SLC6A19: variants seen among roughly 807,000 people sequenced by gnomAD.
The protein encoded by SLC6A19 is solute carrier family 6 member 19, also known as sodium-dependent neutral amino acid transporter B(0)AT1.
Under a neutral mutation model 68.3 loss-of-function variants are expected in SLC6A19, and 67 were observed. The ratio of observed to expected loss-of-function variants is 0.98; its 90% CI spans 0.81 to 1.20. SLC6A19 has a LOEUF of 1.20. Among genes scored for constraint, SLC6A19 ranks in the 50% most tolerant of loss-of-function variants. The pLI, the probability that SLC6A19 is intolerant of heterozygous loss-of-function variation, is 0.00. For missense variants in SLC6A19, 813 were observed against 851.6 expected, an observed-to-expected ratio of 0.95 and a Z score of 0.56; for synonymous variants, 392 against 374.9, an observed-to-expected ratio of 1.05 and a Z score of -0.53.
At chr5:1,210,632 C>G (rs376606313) in intron 3 of SLC6A19, 51 bp downstream of exon 3, 90 of 1,606,882 alleles carry the variant, frequency 5.6e-5, no homozygotes, top group Non-Finnish European at 6.9e-5. Context: ...GCTGTTGTGT[C>G]TCTCATAGCA....
In SLC6A19 at chr5:1,218,891, T is replaced by A. The variant is rs773706547; in HGVS notation, c.1174-12T>A. ...GGGCAGAGGCCCTGGTGACTGTGTGTCATCCGTGCAGGCCGTGGAGGGCAC... is the reference window on the plus strand; with the variant it reads ...GGGCAGAGGCCCTGGTGACTGTGTGACATCCGTGCAGGCCGTGGAGGGCAC... On this transcript the variant is annotated splice_polypyrimidine_tract_variant and intron_variant, in intron 8 of 11. Transcript: ENST00000304460. 4.3e-6 allele frequency: 7 copies of A among 1,611,382 alleles called. No individual in the cohort carries two copies. The South Asian group carries it at 7.7e-5, about 18-fold the overall frequency.
rs1341307320 is a variant in SLC6A19 at position 1,213,421 on chromosome 5, C to T, written c.664-42C>T. ...GTGCCGCCCCCACCGCATGCCTGGC[C>T]CCCCAACTTCCCGCCCATCCCACAT... On this transcript the variant is annotated intron_variant, in intron 4 of 11. Coordinates refer to ENST00000304460, the MANE Select transcript of SLC6A19 (RefSeq NM_001003841.3). 8 of 1,278,340 alleles carry T rather than the reference C, an allele frequency of 6.3e-6. No homozygotes were observed. In the African/African-American group the frequency reaches 9.0e-5, roughly 14 times the overall value. The allele number at this position is 1,278,340 out of a possible 1,614,324, so 79.2% of individuals were successfully genotyped here.
At chr5:1,202,946 AC>A in intron 1 of SLC6A19, among the ~76,000 whole-genome samples, 1 of 151,802 alleles carries the variant, frequency 6.6e-6, no homozygotes, top group South Asian at 2.1e-4. Context: ...AGGTCGGGGG[AC>A]CTTGGCCACT....
intron 5 of SLC6A19, 45 bp downstream of exon 5, chr5:1,213,618 T>G (rs1746117334): frequency 1.3e-6 from 2 of 1,551,756 alleles, no homozygotes; most frequent in Non-Finnish European, 1.8e-6. Context: ...GGGAGAGGCC[T>G]GGCTGCCCTG....
At chr5:1,219,296 C>T (rs544512147) in intron 9 of SLC6A19, among the ~76,000 whole-genome samples, 189 bp downstream of exon 9, 1 of 148,580 alleles carries the variant, frequency 6.7e-6, no homozygotes, top group African/African-American at 2.5e-5. Flanking sequence ...GTGTGCAGCC[C>T]CCGGGCGTGT....
Position 1,212,562 on chromosome 5 carries a change from C to T in SLC6A19, c.663+78C>T, listed in dbSNP as rs1561165176. The T allele has an allele frequency of 6.4e-7, 1 of 1,572,172 alleles. No homozygotes were observed. The highest frequency in any genetic ancestry group is 1.3e-5 in the African/African-American group (1 of 74,262). On this transcript the variant is annotated intron_variant, in intron 4 of 11. Coordinates refer to ENST00000304460, the MANE Select transcript of SLC6A19 (RefSeq NM_001003841.3). The surrounding 1 kb of genome is among the most constrained non-coding windows in gnomAD (Gnocchi z 5.1). ...AGCCCTGCCTCCGGCCGGCTGCACT[C>T]TAAAACCCAGGTCTGGGGGTCCCGG...
chr5:1,215,542 C>T lies in SLC6A19; in HGVS notation c.888-1016C>T, dbSNP rs756447545. Among the ~76,000 whole-genome samples, 128 of 152,372 alleles carry T rather than the reference C, an allele frequency of 8.4e-4. No homozygotes were observed. The highest frequency in any genetic ancestry group is 3.4e-3 in the Middle Eastern group (1 of 294). On this transcript the variant is annotated intron_variant, in intron 6 of 11. Coordinates refer to ENST00000304460, the MANE Select transcript of SLC6A19 (RefSeq NM_001003841.3). The surrounding 1 kb of genome is among the most constrained non-coding windows in gnomAD (Gnocchi z 5.1). Reference sequence around the variant, plus strand: ...TGTCTGATCCTTGCATGGGGCACAACATCCTCAAGGCTCATCCCATCACAG... The same window carrying T: ...TGTCTGATCCTTGCATGGGGCACAATATCCTCAAGGCTCATCCCATCACAG...
Position 1,203,429 on chromosome 5 carries a change from G to T in SLC6A19, c.202+1577G>T, listed in dbSNP as rs887235650. Among the ~76,000 whole-genome samples, 6 of 152,298 alleles carry T rather than the reference G, an allele frequency of 3.9e-5. No individual in the cohort carries two copies. In the South Asian group the frequency reaches 1.2e-3, roughly 32 times the overall value. ...AGGTGCGGGCAGCGGGCAGCGGGCA[G>T]CGGGTTCCGGGCAGGCAGGCCCAGG... is the stretch of plus-strand genomic sequence containing the variant. On this transcript the variant is annotated intron_variant, in intron 1 of 11. Coordinates refer to ENST00000304460, the MANE Select transcript of SLC6A19 (RefSeq NM_001003841.3).
chr5:1,216,405 G>A (rs1746207205), intron 6 of SLC6A19, among the ~76,000 whole-genome samples, 153 bp from the exon 7 acceptor site: 1 of 152,116 alleles, frequency 6.6e-6, no homozygotes, highest in African/African-American at 2.4e-5. Flanking sequence ...GCTCGGAGTG[G>A]GGCAGGGGCT....
intron 1 of SLC6A19, among the ~76,000 whole-genome samples, chr5:1,202,692 G>C (rs896653452): frequency 6.6e-6 from 1 of 152,162 alleles, no homozygotes; most frequent in South Asian, 2.1e-4. Context: ...CAGTTCACGG[G>C]GGGGCCGTGA....
rs1017212860 is a variant in SLC6A19 at position 1,222,402 on chromosome 5, T to A, written c.*498T>A. ...GTCCACATGCACGTGTATATGTATA[T>A]CTGTGAGTGTATATACATGCATGCA... On this transcript the variant is annotated 3_prime_UTR_variant, in exon 12 of 12. Transcript: ENST00000304460. 1.1e-5 allele frequency: 5 copies of A among 457,586 alleles called. No homozygotes were observed. The highest frequency in any genetic ancestry group is 1.5e-5 in the Non-Finnish European group (4 of 262,036). The allele number at this position is 457,586 out of a possible 1,614,324, so 28.3% of individuals were successfully genotyped here. A position where few individuals can be genotyped will look rare whatever the true frequency, so the allele number is the denominator to read the frequency against.
intron 8 of SLC6A19, among the ~76,000 whole-genome samples, chr5:1,218,551 C>T (rs1265839157): frequency 2.0e-5 from 3 of 152,308 alleles, no homozygotes; most frequent in South Asian, 2.1e-4. Flanking sequence ...CCAGGGTATG[C>T]GTTTATTAAC....
intron 9 of SLC6A19, among the ~76,000 whole-genome samples, 168 bp from the exon 10 acceptor site, chr5:1,219,337 C>G (rs949126525): frequency 2.6e-5 from 4 of 151,726 alleles, no homozygotes; most frequent in African/African-American, 9.7e-5. Flanking sequence ...GTGCGTGCAG[C>G]CGCCGGGCAT....
chr5:1,210,222 C>A (rs201863738), intron 2 of SLC6A19, among the ~76,000 whole-genome samples: 1 of 65,790 alleles, frequency 1.5e-5, no homozygotes, highest in South Asian at 5.1e-4. Context: ...GTGTGCAGGG[C>A]AGGCGTGTGC....
chr5:1,211,885 G>A (rs1746042311), intron 3 of SLC6A19, among the ~76,000 whole-genome samples: 1 of 150,154 alleles, frequency 6.7e-6, no homozygotes, highest in Non-Finnish European at 1.5e-5. Flanking sequence ...CGAGAGTACA[G>A]TCACACTTGT....
At chr5:1,203,177 G>T (rs567438785) in intron 1 of SLC6A19, among the ~76,000 whole-genome samples, 1 of 152,328 alleles carries the variant, frequency 6.6e-6, no homozygotes, top group South Asian at 2.1e-4. Flanking sequence ...CCTGGGAAGA[G>T]GAGGGGTTGG....
In SLC6A19 at chr5:1,209,325, C is replaced by T. The variant is rs181690831; in HGVS notation, c.343+439C>T. 6.6e-6 allele frequency among the ~76,000 whole-genome samples: 1 copy of T among 152,294 alleles called. No individual in the cohort carries two copies. Among genetic ancestry groups the T allele is most frequent in the East Asian group, 1.9e-4 (1 of 5,178 alleles). ...TAAGCTCTGGGGCCCAGGAGCAGAC[C>T]CAGTGCAGCCTCACCAAGAGGACAC... is the stretch of plus-strand genomic sequence containing the variant. On this transcript the variant is annotated intron_variant, in intron 2 of 11. Transcript: ENST00000304460. The surrounding 1 kb of genome is among the most constrained non-coding windows in gnomAD (Gnocchi z 5.5).
rs984715947 is a variant in SLC6A19 at position 1,209,320 on chromosome 5, C to T, written c.343+434C>T. ...ATTTATAAGCTCTGGGGCCCAGGAG[C>T]AGACCCAGTGCAGCCTCACCAAGAG... On this transcript the variant is annotated intron_variant, in intron 2 of 11. Transcript: ENST00000304460. This position sits in a 1 kb window ranked among gnomAD's most constrained non-coding sequence, Gnocchi z 5.5. Among the ~76,000 whole-genome samples, 2 of 152,184 alleles carry T rather than the reference C, an allele frequency of 1.3e-5. No homozygotes were observed. Among genetic ancestry groups the T allele is most frequent in the Admixed American group, 1.3e-4 (2 of 15,280 alleles).
intron 11 of SLC6A19, among the ~76,000 whole-genome samples, 162 bp from the exon 12 acceptor site, chr5:1,221,539 G>A (rs1746381867): frequency 6.6e-6 from 1 of 152,202 alleles, no homozygotes; most frequent in Non-Finnish European, 1.5e-5. Context: ...TGGGTGGGCT[G>A]GGAGTTGGGA....
Sources: gnomAD v4.1 joint callset for allele counts (sites outside exome capture counted in the v4.1 genomes callset) on GRCh38, gnomAD v4.1.1 for gene constraint, Gnocchi (gnomAD v3.1) non-coding constraint, MANE v1.5 for transcripts, NCBI Gene and HGNC (gene_info 2026-07-23, HGNC 2026-07-21) for gene names.